SLC27A5: variants seen among roughly 807,000 people sequenced by gnomAD.
The protein encoded by SLC27A5 is solute carrier family 27 member 5, also known as long-chain fatty acid transport protein 5.
A neutral mutation model predicts 63.1 loss-of-function variants in SLC27A5; 47 were observed. That is an observed-to-expected ratio of 0.74 (90% CI 0.59 to 0.95). SLC27A5 has a LOEUF of 0.95. Among genes scored for constraint, SLC27A5 ranks in the 40% least tolerant of loss-of-function variants. The pLI, the probability that SLC27A5 is intolerant of heterozygous loss-of-function variation, is 0.00. For missense variants in SLC27A5, 940 were observed against 921.0 expected (o/e 1.02, Z -0.27); for synonymous variants, 391 against 403.8 (o/e 0.97, Z 0.38).
Position 58,510,004 on chromosome 19 carries a change from G to A in SLC27A5, c.900C>T (p.Gly300=). 1 of 1,612,896 alleles carries A rather than the reference G, an allele frequency of 6.2e-7. No individual in the cohort carries two copies. Among genetic ancestry groups the A allele is most frequent in the Non-Finnish European group, 8.5e-7 (1 of 1,179,420 alleles). The change falls in exon 3 of 10, where the codon GGC becomes GGT. Residue 300 remains glycine (G), a splice_region_variant and synonymous_variant. Coordinates refer to ENST00000263093, the MANE Select transcript of SLC27A5 (RefSeq NM_012254.3). ...GCGTGAGGATGGCTGGCTTCGGGAG[G>A]CCTTGGGATGAAGGCATGGCAAGGG... ...ALFIYTSGTT[G]LPKPAILTHE...
intron 3 of SLC27A5, chr19:58,508,736 T>C (rs939723308): frequency 1.3e-5 from 2 of 151,314 alleles, no homozygotes; most frequent in Non-Finnish European, 2.9e-5. Context: ...GCAGGGATTA[T>C]AGGCATGAGC....
At chr19:58,506,532 G>A (rs1025454626) in intron 3 of SLC27A5, among the ~76,000 whole-genome samples, 1 of 152,088 alleles carries the variant, frequency 6.6e-6, no homozygotes, top group African/African-American at 2.4e-5. Context: ...GAGCGAGACT[G>A]TGTCTCAAAA....
rs1007512575 is a variant in SLC27A5, at chr19:58,511,788, G to C, written c.168C>G (p.Leu56=). 6.4e-7 allele frequency: 1 copy of C among 1,554,356 alleles called. No individual in the cohort carries two copies. Among genetic ancestry groups the C allele is most frequent in the African/African-American group, 1.4e-5 (1 of 73,276 alleles). ...TCAGCCCATGGGGCACCCAGGGGCC[G>C]AGCCAGGGCCGTGCTAACATGGCCA... The part of the protein sequence containing the change: ...LGLAMLARPW[L]GPWVPHGLSL... Residue 56 remains leucine (L), a synonymous_variant, in exon 1 of 10, where the codon CTC becomes CTG. Coordinates refer to ENST00000263093, the MANE Select transcript of SLC27A5 (RefSeq NM_012254.3).
intron 3 of SLC27A5, among the ~76,000 whole-genome samples, chr19:58,506,418 C>A (rs980858022): frequency 6.6e-6 from 1 of 152,098 alleles, no homozygotes; most frequent in African/African-American, 2.4e-5. Flanking sequence ...GCCTGTAATC[C>A]CAGCTACTCA....
At chr19:58,503,243 G>A (rs186375756) in intron 3 of SLC27A5, among the ~76,000 whole-genome samples, 1 of 151,528 alleles carries the variant, frequency 6.6e-6, no homozygotes, top group East Asian at 1.9e-4. Flanking sequence ...ATGGATAGGT[G>A]TAAGGATGGA....
In SLC27A5 at chr19:58,498,362, C is replaced by T. The variant is rs2053232685; in HGVS notation, c.*153G>A. 5.5e-6 allele frequency: 4 copies of T among 722,028 alleles called. No homozygotes were observed. Among genetic ancestry groups the T allele is most frequent in the Non-Finnish European group, 6.7e-6 (3 of 448,102 alleles). 44.7% of individuals were successfully genotyped at this position (722,028 alleles called of 1,614,324 possible). A position where few individuals can be genotyped will look rare whatever the true frequency, so the allele number is the denominator to read the frequency against. Reference sequence around the variant, plus strand: ...GTGAACACATCTGAGTTTATTCTGCCACTGCTACAGGGCCCACTGTCATTT... The same window carrying T: ...GTGAACACATCTGAGTTTATTCTGCTACTGCTACAGGGCCCACTGTCATTT... On this transcript the variant is annotated 3_prime_UTR_variant, in exon 10 of 10. Coordinates refer to ENST00000263093, the MANE Select transcript of SLC27A5 (RefSeq NM_012254.3).
intron 7 of SLC27A5, 103 bp from the exon 8 acceptor site, chr19:58,499,323 C>T (rs1418642207): frequency 1.5e-6 from 2 of 1,362,544 alleles, no homozygotes; most frequent in South Asian, 1.3e-5. Flanking sequence ...GCCCAGTCAG[C>T]CCCGCCCCCT....
Position 58,501,277 on chromosome 19 carries a change from G to A in SLC27A5, c.1182+9C>T. ...TGTTCACCATGGAGCCCTAATCTTA[G>A]AGCCTCACCTGGGGAATGTTACACA... is the stretch of plus-strand genomic sequence containing the variant. On this transcript the variant is annotated intron_variant, in intron 4 of 9. Transcript: ENST00000263093. 1 of 1,612,288 alleles carries A rather than the reference G, an allele frequency of 6.2e-7. No individual in the cohort carries two copies.
chr19:58,510,813 T>A lies in SLC27A5; in HGVS notation c.806A>T (p.Asp269Val), dbSNP rs769192008. The A allele has an allele frequency of 6.2e-7, 1 of 1,613,472 alleles. No homozygotes were observed. The highest frequency in any genetic ancestry group is 1.1e-5 in the South Asian group (1 of 90,950). ...AGGCACTGGGTGGGAGGGCGCTGCATCCAGGGCAGCCCCCAGAGCCCCCAC... is the reference window on the plus strand; with the variant it reads ...AGGCACTGGGTGGGAGGGCGCTGCAACCAGGGCAGCCCCCAGAGCCCCCAC... The part of the protein sequence containing the change: ...PGVGALGAAL[D>V]AAPSHPVPAD... The change falls in exon 2 of 10, where the codon GAT (aspartate) becomes GTT (valine). Residue 269 changes from aspartate (D) to valine (V), a missense_variant. Transcript: ENST00000263093.
At chr19:58,499,305 A>T in intron 7 of SLC27A5, 85 bp from the exon 8 acceptor site, 1 of 1,033,846 alleles carries the variant, frequency 9.7e-7, no homozygotes, top group Non-Finnish European at 1.3e-6. Context: ...CCTTTTGGGG[A>T]TCAGGAGGCC....
intron 1 of SLC27A5, 118 bp from the exon 2 acceptor site, chr19:58,511,048 T>C: frequency 1.0e-6 from 1 of 995,712 alleles, no homozygotes; most frequent in Non-Finnish European, 1.4e-6. Context: ...GCATCCATGT[T>C]GTTTGGTAAA....
At position 58,502,688 on chromosome 19, in the gene SLC27A5, T is replaced by A. The variant is rs55993464; in HGVS notation, c.1058-1278A>T. Among the ~76,000 whole-genome samples, 14 of 146,582 alleles carry A rather than the reference T, an allele frequency of 9.6e-5. No individual in the cohort carries two copies. In the South Asian group the frequency reaches 1.3e-3, roughly 14 times the overall value. On this transcript the variant is annotated intron_variant, in intron 3 of 9. Coordinates refer to ENST00000263093, the MANE Select transcript of SLC27A5 (RefSeq NM_012254.3). ...GTGAACAGTTAGAGTAGTGAGTGAG[T>A]AGATGGATGGGTGGACAGTTAGAGT...
chr19:58,506,040 A>G (rs912409998), intron 3 of SLC27A5, among the ~76,000 whole-genome samples: 5 of 151,146 alleles, frequency 3.3e-5, no homozygotes, highest in African/African-American at 1.2e-4. Context: ...AATAACAGCT[A>G]CTAGGGAGGC....
At chr19:58,510,070 A>G (rs2053392647) in intron 2 of SLC27A5, 65 bp from the exon 3 acceptor site, 1 of 1,520,754 alleles carries the variant, frequency 6.6e-7, no homozygotes. Context: ...GCCTGACCAG[A>G]GGGATAGATC....
At chr19:58,502,358 G>C (rs28472491) in intron 3 of SLC27A5, among the ~76,000 whole-genome samples, 24 of 148,608 alleles carry the variant, frequency 1.6e-4, no homozygotes. Flanking sequence ...TGGATGGGTG[G>C]ACAGTTAGAG....
At chr19:58,498,999 G>T in intron 8 of SLC27A5, 84 bp from the exon 9 acceptor site, 1 of 1,589,746 alleles carries the variant, frequency 6.3e-7, no homozygotes, top group Non-Finnish European at 8.6e-7. Flanking sequence ...TCTGCTCACT[G>T]GCTGTGAGAG....
chr19:58,499,137 C>G lies in SLC27A5; in HGVS notation c.1751G>C (p.Gly584Ala). ...ACCCTCCGCACCTGGCACGCACACG[C>G]CATACACGTTAACCTGTTGCAAGAA... ...VDFLQQVNVY[G>A]VCVPGCEGKV... Residue 584 changes from glycine (G) to alanine (A), a missense_variant, in exon 8 of 10, where the codon GGC becomes GCC. Physicochemically the swap from Gly to Ala is moderately conservative, Grantham distance 60. Coordinates refer to ENST00000263093, the MANE Select transcript of SLC27A5 (RefSeq NM_012254.3). 1 of 1,614,062 alleles carries G rather than the reference C, an allele frequency of 6.2e-7. No individual in the cohort carries two copies. Among genetic ancestry groups the G allele is most frequent in the Non-Finnish European group, 8.5e-7 (1 of 1,180,038 alleles).
intron 6 of SLC27A5, 29 bp from the exon 7 acceptor site, chr19:58,499,719 T>C (rs779538959): frequency 1.9e-6 from 3 of 1,603,188 alleles, no homozygotes; most frequent in Non-Finnish European, 2.5e-6. Flanking sequence ...CAAGAACCCC[T>C]GGAGCCCACC....
At position 58,500,602 on chromosome 19, in the gene SLC27A5, C is replaced by A; in HGVS notation, c.1287G>T (p.Trp429Cys). The change falls in exon 5 of 10, where the codon TGG becomes TGT. Residue 429 changes from tryptophan to cysteine, a missense_variant. Trp to Cys is a radical substitution (Grantham distance 215, BLOSUM62 -2). Coordinates refer to ENST00000263093, the MANE Select transcript of SLC27A5 (RefSeq NM_012254.3). ...TGCCTTCTGTGGAGCCGTAGACTTCCCAGATCCGAATAGGACCGAAGCGCT... is the reference window on the plus strand; with the variant it reads ...TGCCTTCTGTGGAGCCGTAGACTTCACAGATCCGAATAGGACCGAAGCGCT... ...FQQRFGPIRI[W>C]EVYGSTEGNM... The A allele has an allele frequency of 6.2e-7, 1 of 1,614,140 alleles. No individual in the cohort carries two copies. The highest frequency in any genetic ancestry group is 8.5e-7 in the Non-Finnish European group (1 of 1,180,032).
Sources: gnomAD v4.1 joint callset for allele counts (sites outside exome capture counted in the v4.1 genomes callset) on GRCh38, gnomAD v4.1.1 for gene constraint, MANE v1.5 for transcripts, NCBI Gene and HGNC (gene_info 2026-07-23, HGNC 2026-07-21) for gene names.